Variants in HGSNAT observed in about 807,000 individuals in gnomAD.
HGSNAT encodes transmembrane protein 76.
In HGSNAT, 59 loss-of-function variants were observed where a neutral mutation model predicts 85.2. The observed-to-expected ratio is 0.69, with a 90% confidence interval of 0.56 to 0.86. The LOEUF (loss-of-function observed/expected upper bound fraction) is 0.86, where lower values mean the gene tolerates loss of function less well. Among genes scored for constraint, HGSNAT ranks in the 40% least tolerant of loss-of-function variants. The pLI is 0.00. For synonymous variants in HGSNAT, 321 were observed against 304.5 expected, an observed-to-expected ratio of 1.05 and a Z score of -0.56; for missense variants, 756 against 777.1, an observed-to-expected ratio of 0.97 and a Z score of 0.32.
intron 1 of HGSNAT, among the ~76,000 whole-genome samples, chr8:43,145,097 G>T (rs956669962): frequency 6.6e-6 from 1 of 152,132 alleles, no homozygotes; most frequent in Admixed American, 6.5e-5. Context: ...CCTTTGAGAA[G>T]AATTATCAGA....
rs1291627000 is a variant in HGSNAT at position 43,200,385 on chromosome 8, G to A, written c.*816G>A. The stretch of plus-strand genomic sequence containing the variant: ...TGGGCAAGACCCTTGGCCCGTCTGG[G>A]CCTTGGCTTCCTCACTTGTGAAATG... On this transcript the variant is annotated 3_prime_UTR_variant, in exon 18 of 18. Transcript: ENST00000379644. 1 of 152,188 alleles carries A rather than the reference G, an allele frequency of 6.6e-6. No homozygotes were observed. Among genetic ancestry groups the A allele is most frequent in the Non-Finnish European group, 1.5e-5 (1 of 68,050 alleles). The allele number at this position is 152,188 out of a possible 1,614,324, so 9.4% of individuals were successfully genotyped here. A position where few individuals can be genotyped will look rare whatever the true frequency, so the allele number is the denominator to read the frequency against.
At chr8:43,152,244 G>A (rs1441135320) in intron 2 of HGSNAT, among the ~76,000 whole-genome samples, 2 of 152,020 alleles carry the variant, frequency 1.3e-5, no homozygotes, top group Non-Finnish European at 2.9e-5. Flanking sequence ...TGAGCTGAGA[G>A]CATGCCATTG....
At chr8:43,183,229 C>T (rs772865610) in intron 11 of HGSNAT, among the ~76,000 whole-genome samples, 40 of 152,248 alleles carry the variant, frequency 2.6e-4, no homozygotes, top group African/African-American at 9.1e-4. Flanking sequence ...TGCAGGGGCA[C>T]GATCTCAACT....
intron 1 of HGSNAT, 84 bp downstream of exon 1, chr8:43,140,698 G>A: frequency 1.6e-6 from 1 of 631,730 alleles, no homozygotes; most frequent in Non-Finnish European, 2.1e-6. Context: ...CTCCGTGCGC[G>A]GCGCCGAGCG....
chr8:43,159,118 G>A (rs376140558), intron 4 of HGSNAT, 74 bp downstream of exon 4: 4 of 1,502,626 alleles, frequency 2.7e-6, no homozygotes, highest in East Asian at 2.3e-5. Flanking sequence ...TGTTTGTAAA[G>A]CAAAGCAGTC....
At chr8:43,158,340 C>T (rs543606812) in intron 2 of HGSNAT, among the ~76,000 whole-genome samples, 108 of 152,270 alleles carry the variant, frequency 7.1e-4, no homozygotes, top group African/African-American at 2.5e-3. Context: ...CCTCCTGATC[C>T]GCCTGCCTTG....
In HGSNAT at chr8:43,178,087, A is replaced by G. The variant is rs1227090311; in HGVS notation, c.865A>G (p.Met289Val). The change falls in exon 10 of 18, where the codon ATG becomes GTG. Residue 289 changes from methionine to valine, a missense_variant. Coordinates refer to ENST00000379644, the MANE Select transcript of HGSNAT (RefSeq NM_152419.3). ...GATTCTTTTTAGGTTTGTATTTATT[A>G]TGGGATCTTCCATTTTTCTATCGAT... is the stretch of plus-strand genomic sequence containing the variant. ...DLVFPWFVFI[M>V]GSSIFLSMTS... The G allele has an allele frequency of 6.2e-7, 1 of 1,613,036 alleles. No homozygotes were observed. The highest frequency in any genetic ancestry group is 1.7e-5 in the Admixed American group (1 of 59,926).
intron 7 of HGSNAT, 144 bp downstream of exon 7, chr8:43,170,838 C>A: frequency 1.7e-6 from 1 of 586,272 alleles, no homozygotes; most frequent in Non-Finnish European, 3.0e-6. Flanking sequence ...TAAAAGTAAA[C>A]TCTGCAGCCT....
Position 43,178,215 on chromosome 8 carries a change from C to G in HGSNAT, c.993C>G (p.Pro331=), listed in dbSNP as rs750913187. The G allele has an allele frequency of 6.5e-7, 1 of 1,548,404 alleles. No individual in the cohort carries two copies. Among genetic ancestry groups the G allele is most frequent in the South Asian group, 1.3e-5 (1 of 78,560 alleles). Residue 331 remains proline, a synonymous_variant, in exon 10 of 18, where the codon CCC becomes CCG. Coordinates refer to ENST00000379644, the MANE Select transcript of HGSNAT (RefSeq NM_152419.3). ...GCATAGGAATTATCATTGTGAATCC[C>G]AATTATTGCCTTGGTCCATGTAAGT... ...LICIGIIIVN[P]NYCLGPLSWD...
At chr8:43,141,054 T>C (rs974075839) in intron 1 of HGSNAT, among the ~76,000 whole-genome samples, 16 of 152,166 alleles carry the variant, frequency 1.1e-4, no homozygotes, top group Admixed American at 2.0e-4. Context: ...GTCCCTTCCC[T>C]GAGGGCCTCG....
At chr8:43,140,781 AGGCCGGACTTCGGGGTGCTGC>A (rs1227887728) in intron 1 of HGSNAT, among the ~76,000 whole-genome samples, 167 bp downstream of exon 1, 1 of 151,876 alleles carries the variant, frequency 6.6e-6, no homozygotes, top group East Asian at 1.9e-4. Context: ...CCCAGACCGG[AGGCCGGACTTCGGGGTGCTGC>A]GGCCGGGCCC....
At chr8:43,153,010 G>C (rs907789112) in intron 2 of HGSNAT, among the ~76,000 whole-genome samples, 1 of 151,396 alleles carries the variant, frequency 6.6e-6, no homozygotes, top group African/African-American at 2.4e-5. Context: ...TTGTTAAGCT[G>C]ATTTAATATT....
At chr8:43,182,284 G>T in intron 11 of HGSNAT, 24 bp downstream of exon 11, 1 of 1,563,890 alleles carries the variant, frequency 6.4e-7, no homozygotes, top group Non-Finnish European at 8.8e-7. Context: ...TTTTAATTAA[G>T]AAAAACTTTT....
chr8:43,160,249 C>T (rs563263627), intron 4 of HGSNAT, among the ~76,000 whole-genome samples: 1 of 152,294 alleles, frequency 6.6e-6, no homozygotes, highest in African/African-American at 2.4e-5. Context: ...AAGATAGTCC[C>T]TGTTGAGGGA....
At chr8:43,197,337 G>C in intron 15 of HGSNAT, 2 of 528,338 alleles carry the variant, frequency 3.8e-6, no homozygotes, top group Non-Finnish European at 6.7e-6. Flanking sequence ...CCAGGTTGCA[G>C]ACATCAACTT....
intron 8 of HGSNAT, among the ~76,000 whole-genome samples, chr8:43,173,387 G>GCAAC (rs1258944555): frequency 6.6e-6 from 1 of 151,140 alleles, no homozygotes; most frequent in African/African-American, 2.4e-5. Flanking sequence ...TTGGCTCACT[G>GCAAC]CAACCTCTGC....
chr8:43,162,835 G>C (rs942211024), intron 5 of HGSNAT, among the ~76,000 whole-genome samples: 9 of 151,970 alleles, frequency 5.9e-5, no homozygotes, highest in African/African-American at 2.2e-4. Flanking sequence ...CTCCCAGAGT[G>C]CAGGGATTAT....
intron 2 of HGSNAT, among the ~76,000 whole-genome samples, chr8:43,151,668 T>C (rs1394290160): frequency 6.6e-6 from 1 of 152,200 alleles, no homozygotes; most frequent in Non-Finnish European, 1.5e-5. Flanking sequence ...GGTTATAATA[T>C]AAATACGAGC....
Position 43,199,519 on chromosome 8 carries a change from G to T in HGSNAT, c.1858G>T (p.Val620Leu). Residue 620 changes from valine (V) to leucine (L), a missense_variant, in exon 18 of 18, where the codon GTG becomes TTG. Val to Leu is a conservative substitution (Grantham distance 32, BLOSUM62 1). Transcript: ENST00000379644. Reference protein sequence around the residue: ...TQNIVATALWVLIAYILYRKK... With the variant: ...TQNIVATALWLLIAYILYRKK... ...GAACATCGTCGCCACTGCCCTCTGG[G>T]TGCTCATTGCCTACATCCTCTATAG... The T allele has an allele frequency of 6.2e-7, 1 of 1,607,000 alleles. No individual in the cohort carries two copies. The highest frequency in any genetic ancestry group is 8.5e-7 in the Non-Finnish European group (1 of 1,176,408).
Sources: allele counts gnomAD v4.1 joint callset (sites outside exome capture counted in the v4.1 genomes callset), GRCh38; gene constraint gnomAD v4.1.1; transcripts MANE v1.5; gene names NCBI Gene and HGNC (gene_info 2026-07-23, HGNC 2026-07-21).